The following CDYL2 variants were observed in gnomAD, a reference collection of about 807,000 sequenced individuals.
CDYL2 encodes chromodomain Y-like protein 2.
In CDYL2, 23 loss-of-function variants were observed where a neutral mutation model predicts 49.4. That is an observed-to-expected ratio of 0.47 (90% CI 0.34 to 0.66). CDYL2 has a LOEUF of 0.66. Among genes scored for constraint, CDYL2 ranks in the 30% least tolerant of loss-of-function variants. CDYL2 has a pLI of 0.01. For missense variants in CDYL2, 678 were observed against 656.4 expected (o/e 1.03, Z -0.36); for synonymous variants, 360 against 268.8 (o/e 1.34, Z -3.32).
intron 1 of CDYL2, among the ~76,000 whole-genome samples, chr16:80,718,095 G>A (rs1417321198): frequency 1.3e-5 from 2 of 152,120 alleles, no homozygotes; most frequent in African/African-American, 2.4e-5. Flanking sequence ...GGTTCAGAAG[G>A]GTTAAATCAG....
intron 2 of CDYL2, among the ~76,000 whole-genome samples, chr16:80,663,623 A>C (rs1909140043): frequency 6.6e-6 from 1 of 151,864 alleles, no homozygotes; most frequent in Non-Finnish European, 1.5e-5. Context: ...ACAGAGTTTC[A>C]TTCTTCTTGC....
chr16:80,710,010 C>A (rs922795686), intron 1 of CDYL2, among the ~76,000 whole-genome samples: 1 of 151,766 alleles, frequency 6.6e-6, no homozygotes, highest in Non-Finnish European at 1.5e-5. Context: ...TCACTGCAAC[C>A]TCCGCCTTCC....
rs1424561764 is a variant in CDYL2 at position 80,599,522 on chromosome 16, A to T, written c.*4866T>A. On this transcript the variant is annotated 3_prime_UTR_variant, in exon 7 of 7. Coordinates refer to ENST00000570137, the MANE Select transcript of CDYL2 (RefSeq NM_152342.4). ...ACATTTAGTTTGCCTTTGTCCTGCT[A>T]AACTCCAGTTTAGTATGGCTTGATA... 1 of 152,220 alleles carries T rather than the reference A, an allele frequency of 6.6e-6. No individual in the cohort carries two copies. Among genetic ancestry groups the T allele is most frequent in the Non-Finnish European group, 1.5e-5 (1 of 68,038 alleles). The allele number at this position is 152,220 out of a possible 1,614,324, so 9.4% of individuals were successfully genotyped here.
intron 1 of CDYL2, among the ~76,000 whole-genome samples, chr16:80,709,913 T>G (rs987676320): frequency 1.3e-5 from 2 of 151,548 alleles, no homozygotes; most frequent in East Asian, 3.9e-4. Context: ...ATTACATGAT[T>G]ATGGACAGCA....
intron 1 of CDYL2, among the ~76,000 whole-genome samples, chr16:80,784,660 G>A (rs1231017982): frequency 6.6e-6 from 1 of 152,202 alleles, no homozygotes; most frequent in Non-Finnish European, 1.5e-5. Flanking sequence ...TGGAATACTT[G>A]AAAGACCTCC....
At chr16:80,761,204 T>C (rs998038462) in intron 1 of CDYL2, among the ~76,000 whole-genome samples, 2 of 152,094 alleles carry the variant, frequency 1.3e-5, no homozygotes, top group African/African-American at 4.8e-5. Context: ...AGCAATCTGT[T>C]TGAACAAGCC....
In CDYL2 at chr16:80,601,904, TTGATA is replaced by T. The variant is rs1225779901; in HGVS notation, c.*2479_*2483del. On this transcript the variant is annotated 3_prime_UTR_variant, in exon 7 of 7. Coordinates refer to ENST00000570137, the MANE Select transcript of CDYL2 (RefSeq NM_152342.4). ...CCTTGAAATGTTTAGAAGTTTGGATTTGATAGTACATCCAAAGCTGAAGCATTTCT... is the reference window on the plus strand; with the variant it reads ...CCTTGAAATGTTTAGAAGTTTGGATTGTACATCCAAAGCTGAAGCATTTCT... The T allele has an allele frequency of 6.6e-6, 1 of 152,218 alleles. No individual in the cohort carries two copies. Among genetic ancestry groups the T allele is most frequent in the Non-Finnish European group, 1.5e-5 (1 of 68,042 alleles). The allele number at this position is 152,218 out of a possible 1,614,324, so 9.4% of individuals were successfully genotyped here.
chr16:80,692,939 A>G (rs73593032), intron 1 of CDYL2, among the ~76,000 whole-genome samples: 134 of 152,354 alleles, frequency 8.8e-4, no homozygotes, highest in African/African-American at 3.0e-3. Flanking sequence ...GTATTTTAAC[A>G]GAATAAATAG....
chr16:80,755,032 A>G (rs530885891), intron 1 of CDYL2, among the ~76,000 whole-genome samples: 1 of 152,286 alleles, frequency 6.6e-6, no homozygotes, highest in African/African-American at 2.4e-5. Flanking sequence ...GGTGCTTGGG[A>G]GCCAAATAGA....
At chr16:80,683,839 T>C (rs570434824) in intron 2 of CDYL2, among the ~76,000 whole-genome samples, 1 of 152,330 alleles carries the variant, frequency 6.6e-6, no homozygotes, top group Admixed American at 6.5e-5. Flanking sequence ...CCTCACCCGA[T>C]GCAGCATCTG....
chr16:80,752,996 G>A (rs776920491), intron 1 of CDYL2, among the ~76,000 whole-genome samples: 10 of 152,178 alleles, frequency 6.6e-5, no homozygotes, highest in Non-Finnish European at 1.3e-4. Flanking sequence ...AACATTTGTT[G>A]TGCTAAATAA....
At chr16:80,793,954 C>T (rs1907687408) in intron 1 of CDYL2, among the ~76,000 whole-genome samples, 1 of 152,134 alleles carries the variant, frequency 6.6e-6, no homozygotes, top group African/African-American at 2.4e-5. Flanking sequence ...AATAAAAACA[C>T]AATCTTTGAT....
At chr16:80,759,179 G>A (rs2580307) in intron 1 of CDYL2, among the ~76,000 whole-genome samples, 4,389 of 115,750 alleles carry the variant, frequency 0.038, 147 homozygotes, top group African/African-American at 0.1. Context: ...TATATATGGT[G>A]TGTATATATA....
intron 1 of CDYL2, among the ~76,000 whole-genome samples, chr16:80,730,279 G>A (rs992422981): frequency 4.3e-4 from 66 of 152,084 alleles, no homozygotes; most frequent in Non-Finnish European, 7.9e-4. Context: ...TATCACCACC[G>A]ATCCCACAGA....
chr16:80,622,481 CTTGT>C (rs1450537061), intron 3 of CDYL2, among the ~76,000 whole-genome samples: 4 of 152,060 alleles, frequency 2.6e-5, no homozygotes, highest in African/African-American at 7.2e-5. Flanking sequence ...TTACCTACTA[CTTGT>C]TTGTTTCCTG....
intron 1 of CDYL2, among the ~76,000 whole-genome samples, chr16:80,729,241 A>C (rs1354154315): frequency 6.6e-6 from 1 of 152,110 alleles, no homozygotes; most frequent in Non-Finnish European, 1.5e-5. Flanking sequence ...GCTCAAAATA[A>C]AAGGATGGAG....
chr16:80,788,595 C>G (rs145489826), intron 1 of CDYL2, among the ~76,000 whole-genome samples: 1 of 152,272 alleles, frequency 6.6e-6, no homozygotes, highest in Admixed American at 6.5e-5. Context: ...CATCTACCAA[C>G]AAAAGGACAG....
chr16:80,775,994 A>G (rs927930793), intron 1 of CDYL2, among the ~76,000 whole-genome samples: 5 of 151,946 alleles, frequency 3.3e-5, no homozygotes, highest in African/African-American at 1.2e-4. Context: ...GAAGTTACGT[A>G]TATGTCATAA....
intron 1 of CDYL2, among the ~76,000 whole-genome samples, chr16:80,716,348 C>G (rs1904798004): frequency 6.6e-6 from 1 of 152,128 alleles, no homozygotes; most frequent in African/African-American, 2.4e-5. Context: ...CACTATATGC[C>G]AAGACTTACC....
Sources: gnomAD v4.1 joint callset for allele counts (sites outside exome capture counted in the v4.1 genomes callset) on GRCh38, gnomAD v4.1.1 for gene constraint, MANE v1.5 for transcripts, NCBI Gene and HGNC (gene_info 2026-07-23, HGNC 2026-07-21) for gene names.